The following THSD7B variants were observed in gnomAD, a reference collection of about 807,000 sequenced individuals.
THSD7B encodes thrombospondin type 1 domain containing 7B.
A neutral mutation model predicts 213.6 loss-of-function variants in THSD7B; 138 were observed. That is an observed-to-expected ratio of 0.65 (90% CI 0.56 to 0.74). The LOEUF is 0.74. THSD7B is among the 30% of genes least tolerant of loss of function. THSD7B has a pLI of 0.00. For synonymous variants in THSD7B, 742 were observed against 687.0 expected (o/e 1.08, Z -1.25); for missense variants, 1,931 against 1,991.5 (o/e 0.97, Z 0.58).
At chr2:137,558,281 T>C (rs1423002561) in intron 15 of THSD7B, among the ~76,000 whole-genome samples, 1 of 152,180 alleles carries the variant, frequency 6.6e-6, no homozygotes, top group Non-Finnish European at 1.5e-5. Context: ...TTTAGACCAA[T>C]ATCCCTGATG....
intron 15 of THSD7B, among the ~76,000 whole-genome samples, chr2:137,510,433 A>T (rs1679937813): frequency 6.6e-6 from 1 of 152,150 alleles, no homozygotes; most frequent in African/African-American, 2.4e-5. Flanking sequence ...TGTGCATTAT[A>T]ATATGCATTA....
At chr2:137,216,810 G>T (rs919230124) in intron 7 of THSD7B, among the ~76,000 whole-genome samples, 2 of 152,168 alleles carry the variant, frequency 1.3e-5, no homozygotes, top group Non-Finnish European at 2.9e-5. Flanking sequence ...TAAGCACAGT[G>T]ATACATCATA....
intron 1 of THSD7B, among the ~76,000 whole-genome samples, chr2:136,812,882 C>T (rs1478966842): frequency 6.6e-6 from 1 of 152,152 alleles, no homozygotes. Context: ...GGGTAGTAAT[C>T]TTTGCTCTGA....
intron 14 of THSD7B, among the ~76,000 whole-genome samples, chr2:137,421,100 C>A (rs951725955): frequency 1.3e-5 from 2 of 152,086 alleles, no homozygotes; most frequent in African/African-American, 4.8e-5. Context: ...TTTAGGATAA[C>A]CTTTCTGTGC....
chr2:137,486,765 T>G (rs1238425868), intron 15 of THSD7B, among the ~76,000 whole-genome samples: 2 of 152,118 alleles, frequency 1.3e-5, no homozygotes, highest in Non-Finnish European at 2.9e-5. Context: ...TCAGCAAATG[T>G]AAAAGAACAG....
chr2:137,240,386 A>T (rs1463570766), intron 9 of THSD7B, among the ~76,000 whole-genome samples: 1 of 152,126 alleles, frequency 6.6e-6, no homozygotes, highest in East Asian at 1.9e-4. Flanking sequence ...GTCTGATGTC[A>T]CTCAGATTCC....
intron 4 of THSD7B, among the ~76,000 whole-genome samples, chr2:137,105,982 A>G (rs1055488170): frequency 2.6e-5 from 4 of 152,206 alleles, no homozygotes; most frequent in Non-Finnish European, 5.9e-5. Context: ...AAAGTAATTT[A>G]TAGATTCAGT....
chr2:136,934,192 C>G lies in THSD7B; in HGVS notation c.139+51875C>G, dbSNP rs116724268. On this transcript the variant is annotated intron_variant, in intron 2 of 27. Transcript: ENST00000409968. ...TCCAGAAACTTTTTATAGTAAATGA[C>G]ATGAAAATTGATTTAAAGCTTTCCA... is the stretch of plus-strand genomic sequence containing the variant. Among the ~76,000 whole-genome samples the G allele has an allele frequency of 8.4e-3, 1,283 of 152,238 alleles. 19 individuals carry two copies. Among genetic ancestry groups the G allele is most frequent in the African/African-American group, 0.03 (1,228 of 41,552 alleles).
At chr2:137,079,526 A>T (rs1023799304) in intron 3 of THSD7B, among the ~76,000 whole-genome samples, 2 of 152,122 alleles carry the variant, frequency 1.3e-5, no homozygotes, top group Non-Finnish European at 2.9e-5. Context: ...AGATATTAGG[A>T]TTGTACAACA....
chr2:137,602,671 C>G (rs1682098022), intron 17 of THSD7B, among the ~76,000 whole-genome samples: 1 of 152,158 alleles, frequency 6.6e-6, no homozygotes, highest in Non-Finnish European at 1.5e-5. Flanking sequence ...GCAAAAAAAG[C>G]ATCAGTGGTG....
At chr2:136,948,207 A>T (rs1282442184) in intron 2 of THSD7B, among the ~76,000 whole-genome samples, 1 of 152,106 alleles carries the variant, frequency 6.6e-6, no homozygotes, top group Non-Finnish European at 1.5e-5. Context: ...CTTGTCACAC[A>T]TTGACTTTCT....
chr2:137,518,341 G>A (rs891530731), intron 15 of THSD7B, among the ~76,000 whole-genome samples: 1 of 152,190 alleles, frequency 6.6e-6, no homozygotes, highest in Non-Finnish European at 1.5e-5. Context: ...GTGGTGAAGG[G>A]AAGTCTTCCC....
At chr2:137,191,741 TC>T (rs1196985294) in intron 7 of THSD7B, among the ~76,000 whole-genome samples, 1 of 151,914 alleles carries the variant, frequency 6.6e-6, no homozygotes, top group African/African-American at 2.4e-5. Context: ...CCTCAAATGC[TC>T]CCCCACTGCA....
At chr2:137,549,182 T>C (rs979303681) in intron 15 of THSD7B, among the ~76,000 whole-genome samples, 3 of 152,072 alleles carry the variant, frequency 2.0e-5, no homozygotes, top group African/African-American at 7.2e-5. Flanking sequence ...TCACTTCACC[T>C]TAGTACATAT....
At chr2:136,885,944 T>A (rs1317779049) in intron 2 of THSD7B, among the ~76,000 whole-genome samples, 4 of 152,104 alleles carry the variant, frequency 2.6e-5, no homozygotes, top group African/African-American at 9.7e-5. Context: ...GTCCATGAGC[T>A]GCCTGAGGAA....
chr2:136,896,165 A>G (rs1683956816), intron 2 of THSD7B, among the ~76,000 whole-genome samples: 1 of 152,236 alleles, frequency 6.6e-6, no homozygotes, highest in South Asian at 2.1e-4. Flanking sequence ...ACTATTTTCC[A>G]ACCTGACTAT....
chr2:137,649,288 C>T, intron 21 of THSD7B, among the ~76,000 whole-genome samples: 1 of 152,176 alleles, frequency 6.6e-6, no homozygotes, highest in South Asian at 2.1e-4. Flanking sequence ...TCCCATTTGT[C>T]TATTTTTGCT....
chr2:137,326,577 A>T (rs1344927219), intron 12 of THSD7B, among the ~76,000 whole-genome samples: 1 of 152,212 alleles, frequency 6.6e-6, no homozygotes, highest in Admixed American at 6.5e-5. Context: ...CTGTTTTTTA[A>T]AAACTCGTGA....
In THSD7B at chr2:136,979,343, G is replaced by T. The variant is rs1315262214; in HGVS notation, c.140-77077G>T. ...CTGAATGTGAACATTGGCCTATTTTGCTAGGTTTGGGAAGTGCTCCTGGAT... is the reference window on the plus strand; with the variant it reads ...CTGAATGTGAACATTGGCCTATTTTTCTAGGTTTGGGAAGTGCTCCTGGAT... On this transcript the variant is annotated intron_variant, in intron 2 of 27. Coordinates refer to ENST00000409968, the MANE Select transcript of THSD7B (RefSeq NM_001316349.2). Among the ~76,000 whole-genome samples the T allele has an allele frequency of 2.6e-5, 4 of 152,028 alleles. No individual in the cohort carries two copies. In the South Asian group the frequency reaches 6.2e-4, roughly 24 times the overall value.
Sources: gnomAD v4.1 joint callset for allele counts (sites outside exome capture counted in the v4.1 genomes callset) on GRCh38, gnomAD v4.1.1 for gene constraint, MANE v1.5 for transcripts, NCBI Gene and HGNC (gene_info 2026-07-23, HGNC 2026-07-21) for gene names.